TCERG1L: variants seen among roughly 807,000 people sequenced by gnomAD.
TCERG1L encodes transcription elongation regulator 1-like protein.
A neutral mutation model predicts 56.3 loss-of-function variants in TCERG1L; 37 were observed. The observed-to-expected ratio is 0.66, with a 90% CI of 0.51 to 0.87. The LOEUF is 0.87. TCERG1L is among the 40% of genes least tolerant of loss of function. The pLI is 0.00. For synonymous variants in TCERG1L, 324 were observed against 326.3 expected (o/e 0.99, Z 0.08); for missense variants, 799 against 774.2 (o/e 1.03, Z -0.38).
intron 6 of TCERG1L, among the ~76,000 whole-genome samples, chr10:131,151,809 G>A (rs569917126): frequency 1.3e-5 from 2 of 152,306 alleles, no homozygotes; most frequent in East Asian, 3.9e-4. Context: ...GGACATCCAG[G>A]CATTTCCATA....
At chr10:131,264,662 T>C (rs1351486773) in intron 3 of TCERG1L, among the ~76,000 whole-genome samples, 2 of 152,200 alleles carry the variant, frequency 1.3e-5, no homozygotes, top group African/African-American at 4.8e-5. Flanking sequence ...TCTGCACCCC[T>C]ATCTTGGGGA....
chr10:131,212,574 G>A (rs537002452), intron 4 of TCERG1L, among the ~76,000 whole-genome samples: 1 of 152,306 alleles, frequency 6.6e-6, no homozygotes, highest in East Asian at 1.9e-4. Context: ...GAGGGTCCAG[G>A]TGATTTTACA....
At chr10:131,208,826 G>C (rs1312088205) in intron 4 of TCERG1L, among the ~76,000 whole-genome samples, 1 of 152,158 alleles carries the variant, frequency 6.6e-6, no homozygotes, top group Non-Finnish European at 1.5e-5. Context: ...GGGAGACCGA[G>C]GCGGACGGAT....
intron 4 of TCERG1L, among the ~76,000 whole-genome samples, chr10:131,180,846 A>G (rs1373463513): frequency 2.6e-5 from 4 of 151,850 alleles, no homozygotes; most frequent in Non-Finnish European, 5.9e-5. Context: ...GTAAAAAAAA[A>G]GGGTTCAGTA....
chr10:131,145,613 C>A (rs1390021173), intron 7 of TCERG1L, among the ~76,000 whole-genome samples: 3 of 152,206 alleles, frequency 2.0e-5, no homozygotes, highest in Non-Finnish European at 4.4e-5. Flanking sequence ...CAGTCAAATA[C>A]CTCTGGATTT....
Position 131,267,679 on chromosome 10 carries a change from C to T in TCERG1L, c.671-7235G>A, listed in dbSNP as rs918380679. 2.6e-5 allele frequency among the ~76,000 whole-genome samples: 4 copies of T among 152,342 alleles called. 1 individual carries two copies. The East Asian group carries it at 7.7e-4, about 29-fold the overall frequency. Reference sequence around the variant, plus strand: ...GCAGAGTGTGAGGTTGAAGCTGTGGCAGAGGCTCCAAGCCTCGGAGCAGGT... The same window carrying T: ...GCAGAGTGTGAGGTTGAAGCTGTGGTAGAGGCTCCAAGCCTCGGAGCAGGT... On this transcript the variant is annotated intron_variant, in intron 3 of 11. Coordinates refer to ENST00000368642, the MANE Select transcript of TCERG1L (RefSeq NM_174937.4). This position sits in a 1 kb window ranked among gnomAD's most constrained non-coding sequence, Gnocchi z 4.9.
Position 131,163,110 on chromosome 10 carries a change from G to A in TCERG1L, c.1034+12C>T. 1 of 1,555,402 alleles carries A rather than the reference G, an allele frequency of 6.4e-7. No homozygotes were observed. The highest frequency in any genetic ancestry group is 1.4e-5 in the African/African-American group (1 of 73,398). ...CCATTGCTAGTGGCTCTCAGGCTTT[G>A]GGGTGTCTTACCAGGGGGATCCGGG... On this transcript the variant is annotated intron_variant, in intron 6 of 11. Coordinates refer to ENST00000368642, the MANE Select transcript of TCERG1L (RefSeq NM_174937.4).
chr10:131,171,684 T>C (rs1304226931), intron 4 of TCERG1L, among the ~76,000 whole-genome samples: 1 of 152,182 alleles, frequency 6.6e-6, no homozygotes, highest in African/African-American at 2.4e-5. Flanking sequence ...GATTCTCCCG[T>C]CTCAGCCTCC....
intron 6 of TCERG1L, among the ~76,000 whole-genome samples, chr10:131,151,925 A>G (rs1310363955): frequency 6.6e-6 from 1 of 152,238 alleles, no homozygotes; most frequent in Non-Finnish European, 1.5e-5. Context: ...TTGCACCTTC[A>G]GAAGCAATGG....
chr10:131,275,532 T>C (rs1409874703), intron 3 of TCERG1L, among the ~76,000 whole-genome samples: 1 of 152,122 alleles, frequency 6.6e-6, no homozygotes, highest in Non-Finnish European at 1.5e-5. Context: ...GGAGAACAGA[T>C]TGCTGTGAAT....
chr10:131,137,733 A>G (rs538439675), intron 7 of TCERG1L, among the ~76,000 whole-genome samples: 1 of 152,362 alleles, frequency 6.6e-6, no homozygotes, highest in African/African-American at 2.4e-5. Context: ...TTTGTTTTGA[A>G]TAGTTTCAAC....
chr10:131,124,998 TCTC>T (rs1376770042), intron 8 of TCERG1L, among the ~76,000 whole-genome samples: 2 of 152,360 alleles, frequency 1.3e-5, no homozygotes, highest in East Asian at 1.9e-4. Context: ...TGTCAAACCT[TCTC>T]CTCATTTCAT....
chr10:131,269,574 G>A (rs1173005738), intron 3 of TCERG1L, among the ~76,000 whole-genome samples: 1 of 152,180 alleles, frequency 6.6e-6, no homozygotes, highest in Admixed American at 6.5e-5. Context: ...CTGGTTGGTG[G>A]AGCAGTTAGA....
intron 4 of TCERG1L, among the ~76,000 whole-genome samples, chr10:131,204,012 A>T (rs1845486709): frequency 6.6e-6 from 1 of 152,322 alleles, no homozygotes; most frequent in Admixed American, 6.5e-5. Context: ...CCTTTAGGAG[A>T]TGTGAAGTGA....
rs115399663 is a variant in TCERG1L, at chr10:131,300,130, A to G, written c.670+8081T>C. 7.5e-3 allele frequency among the ~76,000 whole-genome samples: 1,136 copies of G among 152,220 alleles called. 15 individuals carry two copies. Among genetic ancestry groups the G allele is most frequent in the African/African-American group, 0.027 (1,103 of 41,558 alleles). On this transcript the variant is annotated intron_variant, in intron 3 of 11. Transcript: ENST00000368642. ...CTTGTTAAAAATCTTTATTCCACTT[A>G]GCTTTCAATAATTGTTTCTGTTTGG...
intron 4 of TCERG1L, among the ~76,000 whole-genome samples, chr10:131,184,514 G>A (rs1589740607): frequency 6.6e-6 from 1 of 152,350 alleles, no homozygotes; most frequent in East Asian, 1.9e-4. Flanking sequence ...TTTGGCAAGA[G>A]TCAAGGCAGC....
chr10:131,128,491 A>AGGATAAAGATAGT (rs575525624), intron 8 of TCERG1L, among the ~76,000 whole-genome samples: 282 of 152,372 alleles, frequency 1.9e-3, no homozygotes, highest in African/African-American at 6.4e-3. Context: ...TGTCTTCTAA[A>AGGATAAAGATAGT]GGATAAAGAT....
At chr10:131,098,790 C>T (rs1263986719) in intron 10 of TCERG1L, among the ~76,000 whole-genome samples, 1 of 152,182 alleles carries the variant, frequency 6.6e-6, no homozygotes, top group Admixed American at 6.5e-5. Context: ...CCTCACTGTG[C>T]CCTCTGAGCA....
intron 4 of TCERG1L, among the ~76,000 whole-genome samples, chr10:131,196,044 G>A (rs997092960): frequency 6.6e-6 from 1 of 152,230 alleles, no homozygotes; most frequent in Non-Finnish European, 1.5e-5. Flanking sequence ...CTGAACAGCA[G>A]TGAGTACCCC....
Sources: allele counts gnomAD v4.1 joint callset (sites outside exome capture counted in the v4.1 genomes callset), GRCh38; gene constraint gnomAD v4.1.1; non-coding constraint Gnocchi (gnomAD v3.1); transcripts MANE v1.5; gene names NCBI Gene and HGNC (gene_info 2026-07-23, HGNC 2026-07-21).